Variants in MACROD2 observed in about 807,000 individuals in gnomAD.
The protein encoded by MACROD2 is mono-ADP ribosylhydrolase 2.
Under a neutral mutation model 70.4 loss-of-function variants are expected in MACROD2, and 36 were observed. The ratio of observed to expected loss-of-function variants is 0.51; its 90% CI spans 0.39 to 0.68. MACROD2 has a LOEUF of 0.68. Ranked by LOEUF, MACROD2 falls within the 30% of genes least tolerant of loss-of-function variation. The probability of loss-of-function intolerance (pLI) is 0.00; values close to 1 mark genes in which losing one functional copy is unlikely to be tolerated. For synonymous variants in MACROD2, 172 were observed against 178.8 expected (o/e 0.96, Z 0.30); for missense variants, 496 against 538.4 (o/e 0.92, Z 0.78).
intron 5 of MACROD2, among the ~76,000 whole-genome samples, chr20:14,705,837 T>A (rs2071262425): frequency 6.6e-6 from 1 of 152,202 alleles, no homozygotes; most frequent in Non-Finnish European, 1.5e-5. Context: ...GCTTCAAGTA[T>A]CTTTGCCACT....
intron 6 of MACROD2, among the ~76,000 whole-genome samples, chr20:15,404,232 C>T (rs980485912): frequency 6.6e-6 from 1 of 152,112 alleles, no homozygotes; most frequent in African/African-American, 2.4e-5. Flanking sequence ...AATTTATTAA[C>T]AGGATTTTGA....
intron 5 of MACROD2, 110 bp from the exon 6 acceptor site, chr20:15,229,830 C>G (rs1247914345): frequency 2.1e-5 from 24 of 1,151,864 alleles, no homozygotes; most frequent in Middle Eastern, 2.8e-4. Flanking sequence ...GCTTAGCTTG[C>G]TTGTCTCCAG....
chr20:14,333,796 A>G (rs1260980682), intron 3 of MACROD2, among the ~76,000 whole-genome samples: 2 of 152,202 alleles, frequency 1.3e-5, no homozygotes, highest in Admixed American at 1.3e-4. Context: ...ATGTCCAAGC[A>G]GGGTATTACT....
intron 3 of MACROD2, among the ~76,000 whole-genome samples, chr20:14,089,753 T>A (rs1009321231): frequency 2.0e-5 from 3 of 152,226 alleles, no homozygotes; most frequent in African/African-American, 4.8e-5. Context: ...GGCCATTTTT[T>A]ATTTAAACTT....
intron 4 of MACROD2, among the ~76,000 whole-genome samples, chr20:14,651,793 G>T (rs1171371650): frequency 6.6e-6 from 1 of 152,104 alleles, no homozygotes; most frequent in Admixed American, 6.6e-5. Flanking sequence ...CTATCTTCCT[G>T]TGGGGACTGC....
chr20:15,045,721 T>TTG (rs1555777152), intron 5 of MACROD2, among the ~76,000 whole-genome samples: 9 of 110,968 alleles, frequency 8.1e-5, no homozygotes, highest in South Asian at 2.8e-4. Flanking sequence ...AGACCAGGGT[T>TTG]TTTTTTTTTT....
chr20:14,344,793 TTTTG>T (rs1193153373), intron 3 of MACROD2, among the ~76,000 whole-genome samples: 1 of 152,204 alleles, frequency 6.6e-6, no homozygotes, highest in Non-Finnish European at 1.5e-5. Context: ...AGTTATTAAT[TTTTG>T]TTTGGAGAAA....
intron 4 of MACROD2, among the ~76,000 whole-genome samples, chr20:14,537,962 A>G (rs546519412): frequency 2.5e-4 from 38 of 152,236 alleles, no homozygotes; most frequent in Admixed American, 1.1e-3. Flanking sequence ...TCAAATGTGG[A>G]TCTCAAAATA....
rs74179759 is a variant in MACROD2 at position 15,137,285 on chromosome 20, G to A, written c.419-92655G>A. On this transcript the variant is annotated intron_variant, in intron 5 of 17. Transcript: ENST00000684519. The stretch of plus-strand genomic sequence containing the variant: ...GTATGTTTATTGCGGCACTATTCAC[G>A]ATAGCAAAGACTTGGAACCAACCCA... Among the ~76,000 whole-genome samples, 1,430 of 151,896 alleles carry A rather than the reference G, an allele frequency of 9.4e-3. 9 individuals are homozygous for A. The highest frequency in any genetic ancestry group is 0.02 in the Middle Eastern group (6 of 294).
chr20:14,379,779 G>A (rs1014081657), intron 3 of MACROD2, among the ~76,000 whole-genome samples: 1 of 152,020 alleles, frequency 6.6e-6, no homozygotes, highest in Non-Finnish European at 1.5e-5. Flanking sequence ...GTTGTACCAT[G>A]TATCAAAATT....
intron 8 of MACROD2, among the ~76,000 whole-genome samples, chr20:15,783,110 A>G (rs1248281316): frequency 6.6e-6 from 1 of 151,978 alleles, no homozygotes. Context: ...GTATGCCTGT[A>G]TGTGGCTTGT....
At position 14,985,727 on chromosome 20, in the gene MACROD2, T is replaced by C. The variant is rs114439164; in HGVS notation, c.419-244213T>C. 4.8e-3 allele frequency among the ~76,000 whole-genome samples: 728 copies of C among 151,536 alleles called. 2 individuals are homozygous for C. Among genetic ancestry groups the C allele is most frequent in the African/African-American group, 0.017 (696 of 41,190 alleles). Reference sequence around the variant, plus strand: ...TGAGGATGATAAATGAGTTTAGTTCTTTCTTAGCTAAGAAATGCCAATGAT... The same window carrying C: ...TGAGGATGATAAATGAGTTTAGTTCCTTCTTAGCTAAGAAATGCCAATGAT... On this transcript the variant is annotated intron_variant, in intron 5 of 17. Transcript: ENST00000684519.
chr20:14,322,941 C>T (rs189601587), intron 3 of MACROD2: 173 of 152,028 alleles, frequency 1.1e-3, no homozygotes, highest in African/African-American at 3.9e-3. Flanking sequence ...AGTGGTAGAT[C>T]TGAGATTTCA....
At chr20:15,554,708 T>C (rs1188975345) in intron 8 of MACROD2, among the ~76,000 whole-genome samples, 1 of 152,212 alleles carries the variant, frequency 6.6e-6, no homozygotes, top group East Asian at 1.9e-4. Flanking sequence ...TTTCTTCTTT[T>C]GGAAATGTGA....
chr20:15,486,419 CAAG>C (rs1000789678), intron 7 of MACROD2, among the ~76,000 whole-genome samples: 4 of 152,180 alleles, frequency 2.6e-5, no homozygotes, highest in African/African-American at 7.2e-5. Context: ...GGAGGGCTAA[CAAG>C]AAGACCTGTA....
At chr20:15,047,116 C>A (rs939933179) in intron 5 of MACROD2, among the ~76,000 whole-genome samples, 4 of 152,130 alleles carry the variant, frequency 2.6e-5, no homozygotes, top group African/African-American at 9.7e-5. Flanking sequence ...TAATTGATGT[C>A]TCTTATTTAC....
chr20:14,397,541 T>G (rs556236556), intron 3 of MACROD2, among the ~76,000 whole-genome samples: 1 of 152,324 alleles, frequency 6.6e-6, no homozygotes, highest in South Asian at 2.1e-4. Flanking sequence ...TATCTTTACA[T>G]AAATTGTAGA....
chr20:15,533,552 T>A (rs1396889282), intron 8 of MACROD2, among the ~76,000 whole-genome samples: 2 of 73,112 alleles, frequency 2.7e-5, no homozygotes, highest in African/African-American at 5.0e-5. Flanking sequence ...TCGCTCTCTC[T>A]CTCTCTCTCT....
At chr20:15,635,646 A>G (rs1283541416) in intron 8 of MACROD2, among the ~76,000 whole-genome samples, 1 of 152,208 alleles carries the variant, frequency 6.6e-6, no homozygotes, top group Non-Finnish European at 1.5e-5. Context: ...CTGTGCTCAC[A>G]ATTGATGGGA....
Sources: allele counts gnomAD v4.1 joint callset (sites outside exome capture counted in the v4.1 genomes callset), GRCh38; gene constraint gnomAD v4.1.1; transcripts MANE v1.5; gene names NCBI Gene and HGNC (gene_info 2026-07-23, HGNC 2026-07-21).